Variants in CRYL1 observed in about 807,000 individuals in gnomAD.
The protein encoded by CRYL1 is lambda-crystallin homolog.
CRYL1 carries 29 observed loss-of-function variants against 36.6 expected under a neutral mutation model. The observed-to-expected ratio is 0.79, with a 90% CI of 0.59 to 1.08. CRYL1 has a LOEUF of 1.08. Ranked by LOEUF, CRYL1 falls within the 50% of genes least tolerant of loss-of-function variation. CRYL1 has a pLI of 0.00. For synonymous variants in CRYL1, 152 were observed against 151.5 expected, an observed-to-expected ratio of 1.00 and a Z score of -0.02; for missense variants, 411 against 407.9, an observed-to-expected ratio of 1.01 and a Z score of -0.06.
chr13:20,517,604 A>T (rs1307650773), intron 1 of CRYL1, among the ~76,000 whole-genome samples: 1 of 151,124 alleles, frequency 6.6e-6, no homozygotes, highest in East Asian at 2.0e-4. Context: ...TCAAAAAAAT[A>T]AAAAAAGTAA....
At chr13:20,462,169 GCAGGACGACC>G (rs2032841636) in intron 3 of CRYL1, among the ~76,000 whole-genome samples, 1 of 100,580 alleles carries the variant, frequency 9.9e-6, no homozygotes, top group Non-Finnish European at 2.2e-5. Flanking sequence ...GGATAAGGTG[GCAGGACGACC>G]TAGTGGGAGG....
chr13:20,478,075 T>G (rs1429394945), intron 3 of CRYL1, among the ~76,000 whole-genome samples: 2 of 151,072 alleles, frequency 1.3e-5, no homozygotes, highest in Non-Finnish European at 2.9e-5. Context: ...CATCTCCCAT[T>G]GCTAACAGCA....
intron 3 of CRYL1, chr13:20,473,107 G>T (rs2033095191): frequency 6.6e-6 from 1 of 152,206 alleles, no homozygotes; most frequent in South Asian, 2.1e-4. Context: ...AGTTAAAGAA[G>T]GTGAGGTAAA....
At chr13:20,510,407 G>C (rs1215467439) in intron 2 of CRYL1, among the ~76,000 whole-genome samples, 1 of 152,122 alleles carries the variant, frequency 6.6e-6, no homozygotes, top group East Asian at 1.9e-4. Flanking sequence ...CCTACATACT[G>C]TATGATTTCA....
In CRYL1 at chr13:20,441,183, CAGG is replaced by C. The variant is rs534743890; in HGVS notation, c.277-1432_277-1430del. Among the ~76,000 whole-genome samples, 241 of 152,296 alleles carry C rather than the reference CAGG, an allele frequency of 1.6e-3. 1 individual carries two copies. Among genetic ancestry groups the C allele is most frequent in the Non-Finnish European group, 1.9e-4 (13 of 68,032 alleles). On this transcript the variant is annotated intron_variant, in intron 3 of 7. Coordinates refer to ENST00000298248, the MANE Select transcript of CRYL1 (RefSeq NM_015974.3). ...GCCTCCCAACGTTCCCCAGTGACTT[CAGG>C]AGAATGACTCTCAGTGTGGTGCAAT...
intron 5 of CRYL1, chr13:20,430,534 A>G (rs1216441611): frequency 1.0e-6 from 1 of 985,302 alleles, no homozygotes; most frequent in Non-Finnish European, 1.2e-6. Flanking sequence ...GAACTACCAG[A>G]GCAGCCCAAC....
chr13:20,404,133 T>C lies in CRYL1; in HGVS notation c.956A>G (p.Gln319Arg), dbSNP rs201556336. 62 of 1,611,328 alleles carry C rather than the reference T, an allele frequency of 3.8e-5. No homozygotes were observed. Among genetic ancestry groups the C allele is most frequent in the East Asian group, 1.8e-4 (8 of 44,874 alleles). ...LAKLKSQVQPQ is the reference protein window; with the variant it reads ...LAKLKSQVQPR ...GGAAGCTGCATTACAAGAAATTCAC[T>C]GGGGCTGCACTTGACTCTTCAACTT... Residue 319 changes from glutamine to arginine, a missense_variant, in exon 8 of 8, where the codon CAG becomes CGG. Transcript: ENST00000298248.
chr13:20,454,481 G>A (rs547497318), intron 3 of CRYL1, among the ~76,000 whole-genome samples: 4 of 148,020 alleles, frequency 2.7e-5, no homozygotes, highest in East Asian at 2.0e-4. Context: ...GCAGTGGTGC[G>A]ATCTCGGCTC....
intron 2 of CRYL1, among the ~76,000 whole-genome samples, chr13:20,492,442 C>T (rs1484441411): frequency 4.6e-5 from 7 of 152,160 alleles, no homozygotes; most frequent in Non-Finnish European, 7.3e-5. Flanking sequence ...CCCAAGTAGA[C>T]TAACATCAAA....
chr13:20,436,816 T>C (rs1054213384), intron 4 of CRYL1, among the ~76,000 whole-genome samples: 2 of 152,114 alleles, frequency 1.3e-5, no homozygotes, highest in Admixed American at 1.3e-4. Context: ...TTCTTCATCC[T>C]ATTTTTGGCC....
rs1435866280 is a variant in CRYL1 at position 20,435,947 on chromosome 13, G to A, written c.438+3646C>T. On this transcript the variant is annotated intron_variant, in intron 4 of 7. Coordinates refer to ENST00000298248, the MANE Select transcript of CRYL1 (RefSeq NM_015974.3). This position sits in a 1 kb window ranked among gnomAD's most constrained non-coding sequence, Gnocchi z 4.0. ...AGCCCATCCTCTCGGCGGCGCGCTC[G>A]CAGGGAGGGCTCAAAGGCAGCTCGG... Among the ~76,000 whole-genome samples the A allele has an allele frequency of 6.6e-6, 1 of 152,202 alleles. No individual in the cohort carries two copies. Among genetic ancestry groups the A allele is most frequent in the Non-Finnish European group, 1.5e-5 (1 of 68,026 alleles).
At chr13:20,508,887 A>AAAAAAAAAAAAAAAAAAAAAAT (rs2033860393) in intron 2 of CRYL1, among the ~76,000 whole-genome samples, 1 of 126,988 alleles carries the variant, frequency 7.9e-6, no homozygotes, top group African/African-American at 2.9e-5. Context: ...AAAAAAAAAA[A>AAAAAAAAAAAAAAAAAAAAAAT]ACTGACAACA....
chr13:20,494,289 G>T (rs796453646), intron 2 of CRYL1, among the ~76,000 whole-genome samples: 10 of 152,142 alleles, frequency 6.6e-5, no homozygotes, highest in African/African-American at 2.4e-4. Flanking sequence ...TTAATACTGC[G>T]CCCATTGCTT....
At position 20,454,560 on chromosome 13, in the gene CRYL1, C is replaced by T. The variant is rs182263894; in HGVS notation, c.277-14806G>A. Among the ~76,000 whole-genome samples, 730 of 151,780 alleles carry T rather than the reference C, an allele frequency of 4.8e-3. 5 individuals are homozygous for T. Among genetic ancestry groups the T allele is most frequent in the Admixed American group, 7.0e-3 (106 of 15,248 alleles). The stretch of plus-strand genomic sequence containing the variant: ...AGCCTCCTGAGTAGCTGGGACTACA[C>T]GCGCCTGCCACCACACCCGGCTAAT... On this transcript the variant is annotated intron_variant, in intron 3 of 7. Transcript: ENST00000298248.
At chr13:20,522,498 C>T (rs2034112998) in intron 1 of CRYL1, among the ~76,000 whole-genome samples, 1 of 152,220 alleles carries the variant, frequency 6.6e-6, no homozygotes, top group Non-Finnish European at 1.5e-5. Context: ...CCAAGCCCTT[C>T]ATAGGGCACA....
chr13:20,430,830 T>C, intron 5 of CRYL1: 1 of 985,368 alleles, frequency 1.0e-6, no homozygotes. Context: ...TCCCCTTTTC[T>C]AGACAAATGG....
chr13:20,517,065 C>T (rs76332641), intron 1 of CRYL1, among the ~76,000 whole-genome samples: 1 of 151,962 alleles, frequency 6.6e-6, no homozygotes, highest in Non-Finnish European at 1.5e-5. Context: ...TCAGACAGAG[C>T]AAGACCCTGT....
intron 2 of CRYL1, among the ~76,000 whole-genome samples, chr13:20,491,047 C>T (rs2033501704): frequency 6.6e-6 from 1 of 152,076 alleles, no homozygotes; most frequent in African/African-American, 2.4e-5. Flanking sequence ...AGGGACTACA[C>T]ATGCGTGCCA....
chr13:20,480,893 T>C (rs778476245), intron 3 of CRYL1, among the ~76,000 whole-genome samples: 2 of 152,318 alleles, frequency 1.3e-5, no homozygotes, highest in East Asian at 3.9e-4. Flanking sequence ...AATACATAAT[T>C]ACAGATTAAG....
Sources: gnomAD v4.1 joint callset for allele counts (sites outside exome capture counted in the v4.1 genomes callset) on GRCh38, gnomAD v4.1.1 for gene constraint, Gnocchi (gnomAD v3.1) non-coding constraint, MANE v1.5 for transcripts, NCBI Gene and HGNC (gene_info 2026-07-23, HGNC 2026-07-21) for gene names.